GPHN: variants seen among roughly 807,000 people sequenced by gnomAD.
GPHN encodes gephyrin.
GPHN carries 17 observed loss-of-function variants against 95.5 expected under a neutral mutation model. That is an observed-to-expected ratio of 0.18 (90% CI 0.12 to 0.27). The LOEUF (loss-of-function observed/expected upper bound fraction) is 0.27. GPHN is among the 10% of genes least tolerant of loss of function. The pLI is 1.00. For synonymous variants in GPHN, 320 were observed against 322.5 expected (o/e 0.99, Z 0.08); for missense variants, 660 against 978.1 (o/e 0.67, Z 4.34).
chr14:66,532,587 G>A (rs1327721666), intron 1 of GPHN, among the ~76,000 whole-genome samples: 1 of 152,202 alleles, frequency 6.6e-6, no homozygotes, highest in East Asian at 1.9e-4. Flanking sequence ...ACTATCCTCA[G>A]TATATCATGA....
At position 66,745,317 on chromosome 14, in the gene GPHN, A is replaced by G. The variant is rs567446808; in HGVS notation, c.144-31147A>G. On this transcript the variant is annotated intron_variant, in intron 2 of 22. Transcript: ENST00000478722. ...TTGCCTTCTCTCTATATATAACTTA[A>G]AAACTGTTTCAGACATAGTGACACT... is the stretch of plus-strand genomic sequence containing the variant. Among the ~76,000 whole-genome samples, 3 of 152,192 alleles carry G rather than the reference A, an allele frequency of 2.0e-5. No individual in the cohort carries two copies. In the East Asian group the frequency reaches 5.8e-4, roughly 29 times the overall value.
the GPHN span, among the ~76,000 whole-genome samples, chr14:67,552,699 G>A: frequency 0.012 from 1,850 of 151,950 alleles, 43 homozygotes; most frequent in African/African-American, 0.043. Flanking sequence ...CCCGGGAGGC[G>A]GAGCTTGCAG....
chr14:67,301,830 A>T, the GPHN span: 1 of 981,666 alleles, frequency 1.0e-6, no homozygotes, highest in Non-Finnish European at 1.4e-6. Flanking sequence ...TAGTATACTT[A>T]ACACATCTTT....
At chr14:66,932,574 T>C (rs535403262) in intron 8 of GPHN, among the ~76,000 whole-genome samples, 110 of 146,646 alleles carry the variant, frequency 7.5e-4, no homozygotes, top group Non-Finnish European at 1.5e-3. Context: ...ATCTTCTTGG[T>C]GTTTATTTTA....
chr14:66,804,352 A>G (rs78569007), intron 3 of GPHN, among the ~76,000 whole-genome samples: 2,346 of 152,338 alleles, frequency 0.015, 31 homozygotes, highest in Non-Finnish European at 0.018. Context: ...ATACTTTGAC[A>G]GGAAATAGGC....
At chr14:66,726,451 A>G (rs930505755) in intron 2 of GPHN, among the ~76,000 whole-genome samples, 2 of 152,202 alleles carry the variant, frequency 1.3e-5, no homozygotes, top group Non-Finnish European at 2.9e-5. Context: ...AAATCAACTC[A>G]TTTATGAATC....
At chr14:66,748,716 G>A (rs2058256882) in intron 2 of GPHN, among the ~76,000 whole-genome samples, 1 of 151,810 alleles carries the variant, frequency 6.6e-6, no homozygotes, top group African/African-American at 2.4e-5. Flanking sequence ...TTAGAGATGG[G>A]ACCCAAATCT....
At chr14:67,066,141 A>G (rs1336407468) in intron 11 of GPHN, among the ~76,000 whole-genome samples, 1 of 152,176 alleles carries the variant, frequency 6.6e-6, no homozygotes, top group African/African-American at 2.4e-5. Flanking sequence ...GGTGGTGACA[A>G]AATCTCTGAG....
At chr14:66,877,184 C>T (rs145704617) in intron 4 of GPHN, among the ~76,000 whole-genome samples, 5 of 152,246 alleles carry the variant, frequency 3.3e-5, no homozygotes, top group East Asian at 3.9e-4. Context: ...TAAAATTCAG[C>T]GGCACTTCAT....
intron 21 of GPHN, among the ~76,000 whole-genome samples, chr14:67,177,887 C>T (rs900587021): frequency 5.3e-5 from 8 of 152,084 alleles, no homozygotes; most frequent in Admixed American, 3.3e-4. Context: ...AGGATTGCAA[C>T]CCCTGCTGTT....
At position 67,069,994 on chromosome 14, in the gene GPHN, T is replaced by G. The variant is rs150400969; in HGVS notation, c.1144+11208T>G. Among the ~76,000 whole-genome samples the G allele has an allele frequency of 7.2e-4, 109 of 152,330 alleles. 2 individuals are homozygous for G. The East Asian group carries it at 0.021, about 29-fold the overall frequency. ...CCTTCAGTCTAGTAAGGTCTTCACT[T>G]AGAATGATTCTACTTGCAAAGGGAT... On this transcript the variant is annotated intron_variant, in intron 11 of 22. Coordinates refer to ENST00000478722, the MANE Select transcript of GPHN (RefSeq NM_020806.5).
At chr14:67,390,789 A>G in the GPHN span, 4 of 1,315,040 alleles carry the variant, frequency 3.0e-6, no homozygotes, top group Non-Finnish European at 4.4e-6. Flanking sequence ...TGACAGCTGC[A>G]TGTCCCTCTC....
chr14:66,803,686 C>G (rs2060441465), intron 3 of GPHN, among the ~76,000 whole-genome samples: 1 of 151,872 alleles, frequency 6.6e-6, no homozygotes, highest in Non-Finnish European at 1.5e-5. Context: ...TATTTTTCCT[C>G]TTTCTTTTTT....
At chr14:67,435,274 C>T in the GPHN span, among the ~76,000 whole-genome samples, 44 of 152,180 alleles carry the variant, frequency 2.9e-4, no homozygotes, top group African/African-American at 1.0e-3. Context: ...GCCTTTTCCT[C>T]TTCTTATAAA....
chr14:67,480,954 G>A, the GPHN span, among the ~76,000 whole-genome samples: 98 of 152,294 alleles, frequency 6.4e-4, no homozygotes, highest in East Asian at 0.015. Flanking sequence ...GAAGAAAGGG[G>A]TAGCTGTCAA....
chr14:66,670,894 GAA>G (rs1476977094), intron 1 of GPHN, among the ~76,000 whole-genome samples: 1 of 152,090 alleles, frequency 6.6e-6, no homozygotes, highest in African/African-American at 2.4e-5. Context: ...TTATAAGAAA[GAA>G]AACAAATTTT....
intron 4 of GPHN, among the ~76,000 whole-genome samples, chr14:66,830,602 G>A (rs560301890): frequency 1.3e-5 from 2 of 151,992 alleles, no homozygotes; most frequent in South Asian, 2.1e-4. Context: ...TTTGACATAA[G>A]GAATATTTAT....
At chr14:66,818,427 T>G in intron 3 of GPHN, among the ~76,000 whole-genome samples, 1 of 152,228 alleles carries the variant, frequency 6.6e-6, no homozygotes, top group Admixed American at 6.5e-5. Context: ...GCAAAGAACA[T>G]GATCTCATTG....
At chr14:66,989,854 A>AGAC (rs2071285739) in intron 9 of GPHN, among the ~76,000 whole-genome samples, 1 of 152,212 alleles carries the variant, frequency 6.6e-6, no homozygotes, top group African/African-American at 2.4e-5. Context: ...TCTCAGAACC[A>AGAC]TAGACTATAT....
Sources: allele counts gnomAD v4.1 joint callset (sites outside exome capture counted in the v4.1 genomes callset), GRCh38; gene constraint gnomAD v4.1.1; transcripts MANE v1.5; gene names NCBI Gene and HGNC (gene_info 2026-07-23, HGNC 2026-07-21).